The following SRGAP1 variants were observed in gnomAD, a reference collection of about 807,000 sequenced individuals.
The protein encoded by SRGAP1 is SLIT-ROBO Rho GTPase activating protein 1.
A neutral mutation model predicts 121.9 loss-of-function variants in SRGAP1; 43 were observed. That is an observed-to-expected ratio of 0.35 (90% confidence interval 0.28 to 0.46). The LOEUF is 0.46. Ranked by LOEUF, SRGAP1 falls within the 20% of genes least tolerant of loss-of-function variation. SRGAP1 has a pLI of 1.00. For missense variants in SRGAP1, 1,102 were observed against 1,350.9 expected (o/e 0.82, Z 2.89); for synonymous variants, 447 against 485.4 (o/e 0.92, Z 1.04).
At chr12:63,950,855 C>T (rs1257339005) in intron 1 of SRGAP1, among the ~76,000 whole-genome samples, 3 of 152,100 alleles carry the variant, frequency 2.0e-5, no homozygotes, top group Non-Finnish European at 4.4e-5. Flanking sequence ...CTGGAAAAGC[C>T]TACCTGTGTG....
At chr12:64,007,429 G>T (rs981156098) in intron 3 of SRGAP1, among the ~76,000 whole-genome samples, 1 of 152,130 alleles carries the variant, frequency 6.6e-6, no homozygotes, top group African/African-American at 2.4e-5. Context: ...CGGCTGATCG[G>T]ACAGGGGGCA....
At chr12:63,908,727 C>A (rs61933094) in intron 1 of SRGAP1, among the ~76,000 whole-genome samples, 1 of 151,968 alleles carries the variant, frequency 6.6e-6, no homozygotes, top group Non-Finnish European at 1.5e-5. Flanking sequence ...CTAGTTACTT[C>A]GTTCTTTTTG....
chr12:64,150,943 A>AAAAAAAAAAAAAC lies in SRGAP1; in HGVS notation c.*8283_*8284insCAAAAAAAAAAAA, dbSNP rs2037113793. 6.9e-6 allele frequency: 1 copy of AAAAAAAAAAAAAC among 145,782 alleles called. No homozygotes were observed. The highest frequency in any genetic ancestry group is 1.5e-5 in the Non-Finnish European group (1 of 65,464). The allele number at this position is 145,782 out of a possible 1,614,324, so 9.0% of individuals were successfully genotyped here. A position where few individuals can be genotyped will look rare whatever the true frequency, so the allele number is the denominator to read the frequency against. The stretch of plus-strand genomic sequence containing the variant: ...GAGTGAGAAGCTATCTCAAAAAAAA[A>AAAAAAAAAAAAAC]AAAAAAAAAAAAAAAAACATGGTCA... On this transcript the variant is annotated 3_prime_UTR_variant, in exon 22 of 22. Coordinates refer to ENST00000355086, the MANE Select transcript of SRGAP1 (RefSeq NM_020762.4).
intron 1 of SRGAP1, among the ~76,000 whole-genome samples, chr12:63,921,912 A>G (rs766873897): frequency 6.6e-6 from 1 of 151,960 alleles, no homozygotes; most frequent in Non-Finnish European, 1.5e-5. Flanking sequence ...TCCATTTTAT[A>G]TTTCCTTAGC....
intron 1 of SRGAP1, among the ~76,000 whole-genome samples, chr12:63,948,708 G>A (rs1374876421): frequency 6.7e-6 from 1 of 149,880 alleles, no homozygotes; most frequent in East Asian, 2.0e-4. Context: ...TTTTACTTGT[G>A]TTTACAGAAG....
intron 1 of SRGAP1, among the ~76,000 whole-genome samples, chr12:63,908,935 G>C (rs1439994193): frequency 6.6e-6 from 1 of 151,624 alleles, no homozygotes; most frequent in Non-Finnish European, 1.5e-5. Flanking sequence ...TCTGTCACCA[G>C]GTTGGAGTGC....
intron 14 of SRGAP1, 96 bp downstream of exon 14, chr12:64,095,300 C>G: frequency 9.2e-7 from 1 of 1,090,546 alleles, no homozygotes; most frequent in South Asian, 1.4e-5. Context: ...TCCTCAAAAC[C>G]TTTCTTTGTA....
At chr12:63,959,275 G>A (rs1221096222) in intron 1 of SRGAP1, among the ~76,000 whole-genome samples, 1 of 152,172 alleles carries the variant, frequency 6.6e-6, no homozygotes, top group Non-Finnish European at 1.5e-5. Flanking sequence ...AATCTAGTTT[G>A]CAACATATAT....
intron 4 of SRGAP1, chr12:64,032,637 G>T: frequency 2.6e-6 from 1 of 383,620 alleles, no homozygotes. Context: ...TTTAAATTCT[G>T]GATGACGTGA....
chr12:64,057,052 G>A (rs2035357201), intron 6 of SRGAP1, among the ~76,000 whole-genome samples: 1 of 152,130 alleles, frequency 6.6e-6, no homozygotes. Context: ...TGGGAAAAAT[G>A]AGTAGCAGCT....
At chr12:63,845,961 T>C (rs1382942429) in intron 1 of SRGAP1, among the ~76,000 whole-genome samples, 2 of 152,210 alleles carry the variant, frequency 1.3e-5, no homozygotes, top group Non-Finnish European at 2.9e-5. Context: ...CTGAGTGTTC[T>C]TTTGTGTGGT....
intron 6 of SRGAP1, among the ~76,000 whole-genome samples, chr12:64,055,535 C>T (rs931148769): frequency 3.7e-4 from 55 of 150,664 alleles, no homozygotes; most frequent in Non-Finnish European, 5.3e-4. Context: ...AAAAAGAGCC[C>T]GCATCGCCAA....
chr12:64,016,313 CCT>C (rs2034399948), intron 3 of SRGAP1, among the ~76,000 whole-genome samples: 3 of 152,040 alleles, frequency 2.0e-5, no homozygotes, highest in Admixed American at 2.0e-4. Flanking sequence ...TGCACGCCAC[CCT>C]GTCTCTACAA....
At chr12:63,949,708 A>C (rs2136362732) in intron 1 of SRGAP1, among the ~76,000 whole-genome samples, 1 of 152,216 alleles carries the variant, frequency 6.6e-6, no homozygotes, top group East Asian at 1.9e-4. Flanking sequence ...TTTATTTTTA[A>C]GGATACAACG....
intron 6 of SRGAP1, among the ~76,000 whole-genome samples, chr12:64,044,405 TAG>T (rs1264814086): frequency 1.3e-5 from 2 of 152,172 alleles, no homozygotes; most frequent in Admixed American, 6.6e-5. Context: ...GATAAAGTCA[TAG>T]AGGTTCAGAG....
At chr12:64,007,263 G>A (rs570035750) in intron 3 of SRGAP1, among the ~76,000 whole-genome samples, 1 of 152,274 alleles carries the variant, frequency 6.6e-6, no homozygotes, top group East Asian at 1.9e-4. Context: ...TGGTTTCATG[G>A]AAGGCAATTT....
chr12:64,070,287 C>A (rs1245481659), intron 8 of SRGAP1, among the ~76,000 whole-genome samples: 1 of 152,162 alleles, frequency 6.6e-6, no homozygotes, highest in Non-Finnish European at 1.5e-5. Flanking sequence ...AGTTTCTCAT[C>A]CCTCCCTTTA....
chr12:63,928,258 T>G (rs1488005587), intron 1 of SRGAP1, among the ~76,000 whole-genome samples: 1 of 152,200 alleles, frequency 6.6e-6, no homozygotes, highest in Non-Finnish European at 1.5e-5. Context: ...TTTGGAAAAT[T>G]GTTTGGCATT....
At chr12:63,855,314 C>T (rs67880496) in intron 1 of SRGAP1, among the ~76,000 whole-genome samples, 42,974 of 151,762 alleles carry the variant, frequency 0.28, 7,014 homozygotes, top group East Asian at 0.55. Flanking sequence ...TTTCCACTTA[C>T]TTAACCAGTG....
Sources: allele counts gnomAD v4.1 joint callset (sites outside exome capture counted in the v4.1 genomes callset), GRCh38; gene constraint gnomAD v4.1.1; transcripts MANE v1.5; gene names NCBI Gene and HGNC (gene_info 2026-07-23, HGNC 2026-07-21).